SLC39A14: variants seen among roughly 807,000 people sequenced by gnomAD.
SLC39A14 encodes the protein solute carrier family 39 member 14.
SLC39A14 carries 19 observed loss-of-function variants against 45.5 expected under a neutral mutation model. The ratio of observed to expected loss-of-function variants is 0.42; its 90% CI spans 0.29 to 0.61. The LOEUF (loss-of-function observed/expected upper bound fraction) is 0.61. SLC39A14 is among the 20% of genes least tolerant of loss of function. The pLI, the probability that SLC39A14 is intolerant of heterozygous loss-of-function variation, is 0.22. For synonymous variants in SLC39A14, 264 were observed against 251.3 expected (o/e 1.05, Z -0.48); for missense variants, 447 against 616.5 (o/e 0.73, Z 2.91).
At chr8:22,401,444 A>G (rs1834845290) in intron 1 of SLC39A14, among the ~76,000 whole-genome samples, 2 of 152,026 alleles carry the variant, frequency 1.3e-5, no homozygotes, top group Admixed American at 1.3e-4. Context: ...TAACCATACT[A>G]AGGGAGGTGG....
rs779434942 is a variant in SLC39A14 at position 22,416,287 on chromosome 8, G to A, written c.1147+7G>A. On this transcript the variant is annotated splice_region_variant and intron_variant, in intron 7 of 8. Transcript: ENST00000381237. ...GAGTTCCCACATGAGCTAGGTAAGC[G>A]TGCGTCCCCCGTTCCACTGGTGCTC... The A allele has an allele frequency of 2.4e-5, 38 of 1,611,962 alleles. No individual in the cohort carries two copies. The highest frequency in any genetic ancestry group is 4.0e-5 in the African/African-American group (3 of 74,806).
intron 1 of SLC39A14, among the ~76,000 whole-genome samples, chr8:22,386,668 G>A (rs1426624783): frequency 6.6e-6 from 1 of 152,226 alleles, no homozygotes; most frequent in Non-Finnish European, 1.5e-5. Flanking sequence ...ACAGAACAGA[G>A]CTAGGTGCTG....
chr8:22,397,219 C>T (rs763908737), intron 1 of SLC39A14, among the ~76,000 whole-genome samples: 4 of 152,304 alleles, frequency 2.6e-5, no homozygotes, highest in South Asian at 2.1e-4. Flanking sequence ...TGCCAGGCAG[C>T]GCTTCCCAGG....
At chr8:22,392,737 C>T (rs1834149807) in intron 1 of SLC39A14, 1 of 152,316 alleles carries the variant, frequency 6.6e-6, no homozygotes, top group South Asian at 2.1e-4. Flanking sequence ...GTCCCCTTTG[C>T]TCCAGCTCCA....
downstream of SLC39A14, among the ~76,000 whole-genome samples, chr8:22,426,390 G>A (rs889246988): frequency 4.6e-5 from 7 of 151,558 alleles, no homozygotes; most frequent in Non-Finnish European, 8.8e-5. Context: ...AGGAGGTCTC[G>A]TTAAGTTGCC....
downstream of SLC39A14, among the ~76,000 whole-genome samples, chr8:22,423,152 T>C (rs1836314011): frequency 6.7e-6 from 1 of 150,002 alleles, no homozygotes; most frequent in South Asian, 2.1e-4. Flanking sequence ...CTCTCTTCTC[T>C]TTTCTTTCTT....
Position 22,421,694 on chromosome 8 carries a change from T to C in SLC39A14, c.*1996T>C, listed in dbSNP as rs1412413091. 2 of 984,658 alleles carry C rather than the reference T, an allele frequency of 2.0e-6. No homozygotes were observed. Among genetic ancestry groups the C allele is most frequent in the African/African-American group, 3.5e-5 (2 of 57,246 alleles). 61.0% of individuals were successfully genotyped at this position (984,658 alleles called of 1,614,324 possible). ...AGATTTTGCTTTAACCTAACTCGCATTGATGTATTAAATTTATAATTTTAG... is the reference window on the plus strand; with the variant it reads ...AGATTTTGCTTTAACCTAACTCGCACTGATGTATTAAATTTATAATTTTAG... On this transcript the variant is annotated 3_prime_UTR_variant, in exon 9 of 9. Transcript: ENST00000381237.
downstream of SLC39A14, among the ~76,000 whole-genome samples, chr8:22,423,718 C>T (rs573368077): frequency 2.6e-5 from 4 of 151,270 alleles, no homozygotes; most frequent in South Asian, 2.1e-4. Context: ...TAGCCTGCCT[C>T]GGCCTCCCAA....
At chr8:22,412,285 G>C in intron 4 of SLC39A14, 79 bp downstream of exon 4, 2 of 1,431,114 alleles carry the variant, frequency 1.4e-6, no homozygotes, top group South Asian at 2.6e-5. Flanking sequence ...AGAAGGCATA[G>C]AGAGGGCACC....
In SLC39A14 at chr8:22,383,008, G is replaced by T. The variant is rs118143604; in HGVS notation, c.-16+15600G>T. 8.5e-3 allele frequency among the ~76,000 whole-genome samples: 1,300 copies of T among 152,076 alleles called. 9 individuals carry two copies. Among genetic ancestry groups the T allele is most frequent in the Middle Eastern group, 0.027 (8 of 292 alleles). On this transcript the variant is annotated intron_variant, in intron 1 of 8. Coordinates refer to ENST00000381237, the MANE Select transcript of SLC39A14 (RefSeq NM_001128431.4). ...GTTGGGATTACAGGCGTGAGTCACC[G>T]CGGCCGGTGGCGGTGTTTTTCTTTT...
chr8:22,416,143 C>G lies in SLC39A14; in HGVS notation c.1010C>G (p.Ala337Gly), dbSNP rs1367023637. 4 of 1,613,976 alleles carry G rather than the reference C, an allele frequency of 2.5e-6. No homozygotes were observed. Among genetic ancestry groups the G allele is most frequent in the Non-Finnish European group, 3.4e-6 (4 of 1,180,034 alleles). The stretch of plus-strand genomic sequence containing the variant: ...CGCTACTCTGATATCGGCACTCTGG[C>G]CTGGATGATCACTCTGAGCGACGGC... ...GVRYSDIGTLAWMITLSDGLH... is the reference protein window; with the variant it reads ...GVRYSDIGTLGWMITLSDGLH... The change falls in exon 7 of 9, where the codon GCC becomes GGC. Residue 337 changes from alanine to glycine, a missense_variant. Around this residue, in one of 2 missense-constraint regions of SLC39A14, gnomAD observed 342 missense variants for 428.1 expected, o/e 0.80. Coordinates refer to ENST00000381237, the MANE Select transcript of SLC39A14 (RefSeq NM_001128431.4).
chr8:22,415,197 G>A (rs1018555156), intron 5 of SLC39A14: 2 of 340,800 alleles, frequency 5.9e-6, no homozygotes, highest in Non-Finnish European at 1.1e-5. Flanking sequence ...AGGATGGGGA[G>A]AAGAGCTTGA....
chr8:22,370,190 G>A (rs187843741), intron 1 of SLC39A14, among the ~76,000 whole-genome samples: 4 of 152,198 alleles, frequency 2.6e-5, no homozygotes, highest in Non-Finnish European at 2.9e-5. Context: ...GTGCGTGTGC[G>A]TGTGTGTAGG....
intron 8 of SLC39A14, among the ~76,000 whole-genome samples, chr8:22,429,879 TA>T (rs1412451335): frequency 6.6e-6 from 1 of 152,210 alleles, no homozygotes; most frequent in East Asian, 1.9e-4. Context: ...CAGACAGGGA[TA>T]GAGGTGATCA....
intron 3 of SLC39A14, chr8:22,410,141 T>A: frequency 6.2e-7 from 1 of 1,613,184 alleles, no homozygotes; most frequent in Non-Finnish European, 8.5e-7. Context: ...AACTTGCGCG[T>A]CCTCTTTCCC....
intron 1 of SLC39A14, among the ~76,000 whole-genome samples, chr8:22,368,172 T>C (rs1245914882): frequency 6.6e-6 from 1 of 152,172 alleles, no homozygotes. Context: ...ACAGGAGGAC[T>C]CCGGACACAA....
intron 1 of SLC39A14, among the ~76,000 whole-genome samples, chr8:22,395,975 G>C (rs1423210262): frequency 6.6e-6 from 1 of 152,180 alleles, no homozygotes; most frequent in Non-Finnish European, 1.5e-5. Context: ...AATGCTAGCT[G>C]TGTGGTGAGG....
chr8:22,395,232 A>G (rs1834319712), intron 1 of SLC39A14, among the ~76,000 whole-genome samples: 1 of 151,324 alleles, frequency 6.6e-6, no homozygotes, highest in Admixed American at 6.6e-5. Context: ...TTGGTCTTGA[A>G]CTCCTGACCT....
intron 1 of SLC39A14, among the ~76,000 whole-genome samples, chr8:22,394,520 C>T (rs1365841065): frequency 9.2e-5 from 14 of 151,806 alleles, no homozygotes; most frequent in African/African-American, 2.4e-5. Context: ...GGGGTTTCAT[C>T]GTGTTAGCCA....
Sources: allele counts gnomAD v4.1 joint callset (sites outside exome capture counted in the v4.1 genomes callset), GRCh38; gene constraint gnomAD v4.1.1; regional missense constraint gnomAD v4.1.1; transcripts MANE v1.5; gene names NCBI Gene and HGNC (gene_info 2026-07-23, HGNC 2026-07-21).